Variants in RANBP2 observed in about 807,000 individuals in gnomAD.
RANBP2 encodes the protein RAN binding protein 2, also known as E3 SUMO-protein ligase RanBP2.
Under a neutral mutation model 303.6 loss-of-function variants are expected in RANBP2, and 57 were observed. The ratio of observed to expected loss-of-function variants is 0.19; its 90% CI spans 0.15 to 0.23. RANBP2 has a LOEUF of 0.23. Among genes scored for constraint, RANBP2 ranks in the 10% least tolerant of loss-of-function variants. The pLI is 1.00. For synonymous variants in RANBP2, 1,167 were observed against 1,301.5 expected (o/e 0.90, Z 2.23); for missense variants, 3,138 against 3,780.8 (o/e 0.83, Z 4.46).
the RANBP2 span, among the ~76,000 whole-genome samples, chr2:108,974,385 C>T: frequency 7.1e-6 from 1 of 141,486 alleles, no homozygotes; most frequent in African/African-American, 2.6e-5. Context: ...TGTATTTTGT[C>T]TTAGACACGA....
At chr2:109,525,719 G>T in the RANBP2 span, among the ~76,000 whole-genome samples, 4 of 152,206 alleles carry the variant, frequency 2.6e-5, 1 homozygote, top group African/African-American at 9.6e-5. Context: ...GGCTCTCAGT[G>T]GCCCTCTGGC....
chr2:109,584,089 C>T, the RANBP2 span, among the ~76,000 whole-genome samples: 1 of 152,158 alleles, frequency 6.6e-6, no homozygotes, highest in South Asian at 2.1e-4. Context: ...ACCTCAGCAT[C>T]ACACAATATA....
the RANBP2 span, among the ~76,000 whole-genome samples, chr2:109,056,160 G>A: frequency 2.0e-5 from 3 of 151,932 alleles, no homozygotes; most frequent in South Asian, 2.1e-4. Flanking sequence ...CTGTTTTTAG[G>A]GGGTGGGGGA....
At chr2:109,657,261 C>T in the RANBP2 span, among the ~76,000 whole-genome samples, 1 of 152,082 alleles carries the variant, frequency 6.6e-6, no homozygotes, top group African/African-American at 2.4e-5. Context: ...TCCCAGGCAA[C>T]ATGGAGAAAC....
chr2:108,772,509 G>A lies in RANBP2; in HGVS notation c.8041G>A (p.Val2681Ile). 1 of 1,613,562 alleles carries A rather than the reference G, an allele frequency of 6.2e-7. No individual in the cohort carries two copies. The highest frequency in any genetic ancestry group is 8.5e-7 in the Non-Finnish European group (1 of 1,179,706). ...EEDDEDFETAVKKLNGKLYLD... is the reference protein window; with the variant it reads ...EEDDEDFETAIKKLNGKLYLD... ...TTAAGATGAAGATTTCGAAACAGCT[G>A]TCAAGAAACTTAATGGAAAACTATA... Residue 2681 changes from valine to isoleucine, a missense_variant, in exon 22 of 29, where the codon GTC becomes ATC. Physicochemically the swap from Val to Ile is conservative, Grantham distance 29. Transcript: ENST00000283195.
chr2:109,252,422 G>T, the RANBP2 span, among the ~76,000 whole-genome samples: 1 of 152,082 alleles, frequency 6.6e-6, no homozygotes, highest in Non-Finnish European at 1.5e-5. Flanking sequence ...GCTTCCTCAG[G>T]CTTGTTTTAT....
At chr2:109,663,351 G>A in the RANBP2 span, among the ~76,000 whole-genome samples, 1 of 152,146 alleles carries the variant, frequency 6.6e-6, no homozygotes, top group African/African-American at 2.4e-5. Context: ...GATATTTGAA[G>A]GCAAGGAAGG....
the RANBP2 span, among the ~76,000 whole-genome samples, chr2:109,209,176 T>C: frequency 7.6e-4 from 116 of 152,328 alleles, no homozygotes; most frequent in East Asian, 0.015. Flanking sequence ...CTGGGCATCA[T>C]AGTTGTGTAC....
the RANBP2 span, among the ~76,000 whole-genome samples, chr2:108,855,590 T>TA: frequency 6.6e-6 from 1 of 152,208 alleles, no homozygotes; most frequent in Non-Finnish European, 1.5e-5. Context: ...AATGTTTTTT[T>TA]AAACCACAAA....
chr2:109,525,080 T>G, the RANBP2 span, among the ~76,000 whole-genome samples: 25 of 114,452 alleles, frequency 2.2e-4, no homozygotes, highest in Non-Finnish European at 3.0e-4. Context: ...CTTACCGTTG[T>G]TTTTTTTTTT....
chr2:109,131,065 A>G, the RANBP2 span, among the ~76,000 whole-genome samples: 1 of 152,240 alleles, frequency 6.6e-6, no homozygotes, highest in Admixed American at 6.5e-5. Context: ...ACACAACTTT[A>G]TTCCTCTACT....
the RANBP2 span, among the ~76,000 whole-genome samples, chr2:109,394,696 A>G: frequency 6.6e-6 from 1 of 152,176 alleles, no homozygotes; most frequent in African/African-American, 2.4e-5. Flanking sequence ...CCACCTGATA[A>G]ACAAGGTGAC....
At chr2:109,532,389 A>G in the RANBP2 span, among the ~76,000 whole-genome samples, 1 of 152,132 alleles carries the variant, frequency 6.6e-6, no homozygotes, top group Non-Finnish European at 1.5e-5. Flanking sequence ...TTCAAATTAA[A>G]TCTTATCTAG....
At chr2:109,569,022 C>A in the RANBP2 span, among the ~76,000 whole-genome samples, 1 of 152,170 alleles carries the variant, frequency 6.6e-6, no homozygotes, top group African/African-American at 2.4e-5. Context: ...GATAGCTCCA[C>A]AAATTTGTGA....
the RANBP2 span, among the ~76,000 whole-genome samples, chr2:109,642,573 C>A: frequency 1.3e-5 from 2 of 151,344 alleles, no homozygotes; most frequent in African/African-American, 2.4e-5. Flanking sequence ...CACGGTGAAA[C>A]CCCGTCTCTA....
At chr2:108,782,955 T>C (rs762878118) in intron 28 of RANBP2, 93 bp downstream of exon 28, 37 of 1,152,736 alleles carry the variant, frequency 3.2e-5, no homozygotes, top group Non-Finnish European at 4.3e-5. Flanking sequence ...CCTCATCCTG[T>C]AGTTTTGTTA....
the RANBP2 span, among the ~76,000 whole-genome samples, chr2:109,320,055 C>T: frequency 6.6e-6 from 1 of 152,198 alleles, no homozygotes; most frequent in African/African-American, 2.4e-5. Context: ...GGAGCTACTT[C>T]CTCGAAGCTG....
At chr2:109,136,317 T>C in the RANBP2 span, among the ~76,000 whole-genome samples, 1 of 152,134 alleles carries the variant, frequency 6.6e-6, no homozygotes, top group Non-Finnish European at 1.5e-5. Flanking sequence ...TTTATCAGAT[T>C]TGCCTTGCTT....
the RANBP2 span, among the ~76,000 whole-genome samples, chr2:109,683,965 A>ATC: frequency 1.3e-5 from 2 of 150,906 alleles, no homozygotes; most frequent in African/African-American, 4.9e-5. Flanking sequence ...TTTTTTTGAC[A>ATC]GAGTCTCGCT....
Sources: allele counts gnomAD v4.1 joint callset (sites outside exome capture counted in the v4.1 genomes callset), GRCh38; gene constraint gnomAD v4.1.1; transcripts MANE v1.5; gene names NCBI Gene and HGNC (gene_info 2026-07-23, HGNC 2026-07-21).